Variants in NRBF2 observed in about 807,000 individuals in gnomAD.
NRBF2 encodes the protein nuclear receptor binding factor 2, also known as nuclear receptor-binding factor 2.
A neutral mutation model predicts 28.5 loss-of-function variants in NRBF2; 12 were observed. The observed-to-expected ratio is 0.42, with a 90% confidence interval of 0.27 to 0.68. The LOEUF (loss-of-function observed/expected upper bound fraction) is 0.68, where lower values mean the gene tolerates loss of function less well. NRBF2 is among the 30% of genes least tolerant of loss of function. The probability of loss-of-function intolerance (pLI) is 0.24; values close to 1 mark genes in which losing one functional copy is unlikely to be tolerated. For synonymous variants in NRBF2, 102 were observed against 116.5 expected (o/e 0.88, Z 0.80); for missense variants, 274 against 333.5 (o/e 0.82, Z 1.39).
intron 1 of NRBF2, among the ~76,000 whole-genome samples, chr10:63,136,124 C>CTT (rs11334549): frequency 8.0e-6 from 1 of 125,006 alleles, no homozygotes; most frequent in African/African-American, 2.9e-5. Context: ...AAAATTCAGA[C>CTT]TTTTTTTTTT....
chr10:63,148,471 A>C (rs1200482208), intron 2 of NRBF2, among the ~76,000 whole-genome samples: 1 of 152,190 alleles, frequency 6.6e-6, no homozygotes, highest in Non-Finnish European at 1.5e-5. Context: ...GAAGCAACTT[A>C]TTATTTGGAA....
At chr10:63,143,168 AG>A (rs1029770429) in intron 1 of NRBF2, among the ~76,000 whole-genome samples, 12 of 152,328 alleles carry the variant, frequency 7.9e-5, no homozygotes, top group African/African-American at 2.2e-4. Context: ...AAAAATAAAA[AG>A]TATCTGAAAT....
At chr10:63,147,251 G>C (rs1191694252) in intron 2 of NRBF2, among the ~76,000 whole-genome samples, 1 of 152,092 alleles carries the variant, frequency 6.6e-6, no homozygotes, top group Non-Finnish European at 1.5e-5. Context: ...AAGGTGGGCA[G>C]TAGATTGGAT....
rs1841698640 is a variant in NRBF2, at chr10:63,154,389, T to C, written c.*171T>C. 4 of 565,226 alleles carry C rather than the reference T, an allele frequency of 7.1e-6. No individual in the cohort carries two copies. The highest frequency in any genetic ancestry group is 2.8e-4 in the Middle Eastern group (1 of 3,532). The allele number at this position is 565,226 out of a possible 1,614,324, so 35.0% of individuals were successfully genotyped here. A position where few individuals can be genotyped will look rare whatever the true frequency, so the allele number is the denominator to read the frequency against. On this transcript the variant is annotated 3_prime_UTR_variant, in exon 4 of 4. Coordinates refer to ENST00000277746, the MANE Select transcript of NRBF2 (RefSeq NM_030759.5). ...GACTTGGGAAACAGTCACTGTGAAA[T>C]GCGCTGCGTATCTCATTCACTCACT...
chr10:63,137,065 A>C (rs1160358257), intron 1 of NRBF2, among the ~76,000 whole-genome samples: 1 of 152,104 alleles, frequency 6.6e-6, no homozygotes, highest in African/African-American at 2.4e-5. Flanking sequence ...TGTTGCCCAC[A>C]CTCAAGGGAT....
intron 3 of NRBF2, among the ~76,000 whole-genome samples, chr10:63,153,203 AAC>A (rs1319412278): frequency 3.3e-5 from 5 of 152,178 alleles, no homozygotes; most frequent in Non-Finnish European, 7.3e-5. Context: ...GAGTTATCCA[AAC>A]ACGCGGTTGA....
In NRBF2 at chr10:63,153,891, G is replaced by A. The variant is rs1293843983; in HGVS notation, c.537G>A (p.Lys179=). The change falls in exon 4 of 4, where the codon AAG becomes AAA. Residue 179 remains lysine, a synonymous_variant. Transcript: ENST00000277746. ...AGGCAACCAAAATTGCAGATTTGAA[G>A]AGGCATGTGGAATTCCTTGTGGCTG... ...EEQATKIADL[K]RHVEFLVAEN... The A allele has an allele frequency of 6.2e-7, 1 of 1,612,024 alleles. No homozygotes were observed. The highest frequency in any genetic ancestry group is 8.5e-7 in the Non-Finnish European group (1 of 1,179,794).
In NRBF2 at chr10:63,154,413, C is replaced by T. The variant is rs1841699375; in HGVS notation, c.*195C>T. ...ATGCGCTGCGTATCTCATTCACTCA[C>T]TTCAGCTAATGATTCCGACTTGGCA... is the stretch of plus-strand genomic sequence containing the variant. On this transcript the variant is annotated 3_prime_UTR_variant, in exon 4 of 4. Coordinates refer to ENST00000277746, the MANE Select transcript of NRBF2 (RefSeq NM_030759.5). 2.1e-6 allele frequency: 1 copy of T among 480,036 alleles called. No homozygotes were observed. Among genetic ancestry groups the T allele is most frequent in the Admixed American group, 3.8e-5 (1 of 26,248 alleles). The allele number at this position is 480,036 out of a possible 1,614,324, so 29.7% of individuals were successfully genotyped here.
At chr10:63,152,535 A>G (rs1841666557) in intron 3 of NRBF2, among the ~76,000 whole-genome samples, 1 of 152,220 alleles carries the variant, frequency 6.6e-6, no homozygotes, top group Non-Finnish European at 1.5e-5. Flanking sequence ...GCCAAGAGGA[A>G]ACTAGTTGGA....
At position 63,153,809 on chromosome 10, in the gene NRBF2, C is replaced by T. The variant is rs747522230; in HGVS notation, c.455C>T (p.Ala152Val). The T allele has an allele frequency of 2.5e-6, 4 of 1,612,786 alleles. No homozygotes were observed. Among genetic ancestry groups the T allele is most frequent in the Non-Finnish European group, 3.4e-6 (4 of 1,179,866 alleles). Residue 152 changes from alanine to valine, a missense_variant, in exon 4 of 4, where the codon GCA becomes GTA. Transcript: ENST00000277746. ...TTACTTCAGCAAAAGAGTGAGCCAG[C>T]AGAGCCATGTATTGGAAGCAAAGCC... is the stretch of plus-strand genomic sequence containing the variant. The part of the protein sequence containing the change: ...LYLLQQKSEP[A>V]EPCIGSKAPK...
intron 1 of NRBF2, among the ~76,000 whole-genome samples, chr10:63,136,525 A>T (rs1841381305): frequency 6.6e-6 from 1 of 152,220 alleles, no homozygotes; most frequent in Admixed American, 6.5e-5. Context: ...CAGTACATGG[A>T]TTTGTAATCA....
chr10:63,133,440 C>T lies in NRBF2; in HGVS notation c.-31C>T, dbSNP rs754363659. The T allele has an allele frequency of 2.5e-6, 4 of 1,611,484 alleles. No homozygotes were observed. The highest frequency in any genetic ancestry group is 2.2e-5 in the East Asian group (1 of 44,522). On this transcript the variant is annotated 5_prime_UTR_variant, in exon 1 of 4. Coordinates refer to ENST00000277746, the MANE Select transcript of NRBF2 (RefSeq NM_030759.5). ...CATGTTCCCCGGCGCCACTACTCCCCTTCCTAAGGCCGCCGCTTACCCCGG... is the reference window on the plus strand; with the variant it reads ...CATGTTCCCCGGCGCCACTACTCCCTTTCCTAAGGCCGCCGCTTACCCCGG...
chr10:63,152,622 A>G (rs1417327904), intron 3 of NRBF2, among the ~76,000 whole-genome samples: 1 of 152,208 alleles, frequency 6.6e-6, no homozygotes, highest in African/African-American at 2.4e-5. Context: ...TAAGCAGTTC[A>G]GGCACTTTTA....
At chr10:63,136,127 T>G (rs1841373839) in intron 1 of NRBF2, among the ~76,000 whole-genome samples, 2 of 15,948 alleles carry the variant, frequency 1.3e-4, no homozygotes, top group South Asian at 4.6e-3. Flanking sequence ...ATTCAGACTT[T>G]TTTTTTTTTT....
At chr10:63,134,939 G>C (rs1183051279) in intron 1 of NRBF2, among the ~76,000 whole-genome samples, 3 of 152,156 alleles carry the variant, frequency 2.0e-5, no homozygotes, top group South Asian at 2.1e-4. Flanking sequence ...TGTAATCCCA[G>C]CACTTTGGGA....
intron 1 of NRBF2, among the ~76,000 whole-genome samples, chr10:63,143,521 G>C (rs1234541546): frequency 6.6e-6 from 1 of 151,640 alleles, no homozygotes; most frequent in African/African-American, 2.4e-5. Context: ...GTAATGGTGC[G>C]ATCTCGGCTC....
chr10:63,147,667 T>G (rs1417303502), intron 2 of NRBF2, among the ~76,000 whole-genome samples: 1 of 151,692 alleles, frequency 6.6e-6, no homozygotes, highest in Non-Finnish European at 1.5e-5. Context: ...GCATGTTTGT[T>G]ACATAGGTAT....
intron 1 of NRBF2, among the ~76,000 whole-genome samples, chr10:63,141,644 T>C (rs1841470348): frequency 6.6e-6 from 1 of 152,214 alleles, no homozygotes; most frequent in South Asian, 2.1e-4. Context: ...CTTTTGTTTT[T>C]GGTGCCATCA....
intron 1 of NRBF2, among the ~76,000 whole-genome samples, chr10:63,139,824 A>G (rs1841434784): frequency 6.6e-6 from 1 of 152,164 alleles, no homozygotes; most frequent in Admixed American, 6.5e-5. Context: ...TTCTTTAGGT[A>G]TCCAGACGAC....
Sources: gnomAD v4.1 joint callset for allele counts (sites outside exome capture counted in the v4.1 genomes callset) on GRCh38, gnomAD v4.1.1 for gene constraint, MANE v1.5 for transcripts, NCBI Gene and HGNC (gene_info 2026-07-23, HGNC 2026-07-21) for gene names.